Variants in RPH3A observed in about 807,000 individuals in gnomAD.
RPH3A encodes the protein rabphilin-3A.
In RPH3A, 48 loss-of-function variants were observed where a neutral mutation model predicts 102.2. That is an observed-to-expected ratio of 0.47 (90% CI 0.37 to 0.60). The LOEUF is 0.60. RPH3A is among the 20% of genes least tolerant of loss of function. The probability of loss-of-function intolerance (pLI) is 0.00; values close to 1 mark genes in which losing one functional copy is unlikely to be tolerated. For missense variants in RPH3A, 781 were observed against 910.1 expected (o/e 0.86, Z 1.83); for synonymous variants, 310 against 324.3 (o/e 0.96, Z 0.47).
rs746379522 is a variant in RPH3A at position 112,828,308 on chromosome 12, A to G, written c.-11A>G. ...TGGATTGATGTTTTCCAGGAGCACT[A>G]GACATCTACTATGACTGACACCGTG... On this transcript the variant is annotated 5_prime_UTR_variant, in exon 3 of 22. Coordinates refer to ENST00000389385, the MANE Select transcript of RPH3A (RefSeq NM_001143854.2). 3 of 1,609,916 alleles carry G rather than the reference A, an allele frequency of 1.9e-6. No individual in the cohort carries two copies. Among genetic ancestry groups the G allele is most frequent in the East Asian group, 4.5e-5 (2 of 44,686 alleles).
chr12:112,638,953 A>G (rs538851149), intron 1 of RPH3A, among the ~76,000 whole-genome samples: 56 of 152,240 alleles, frequency 3.7e-4, no homozygotes, highest in African/African-American at 1.3e-3. Flanking sequence ...CTTTCTTCCT[A>G]AGCATTAACA....
At chr12:112,745,490 C>G (rs1199481488) in intron 1 of RPH3A, among the ~76,000 whole-genome samples, 1 of 152,170 alleles carries the variant, frequency 6.6e-6, no homozygotes, top group Non-Finnish European at 1.5e-5. Context: ...TAGAGCTTCT[C>G]TTCTTCCCAC....
At chr12:112,678,455 A>G (rs2040203582) in intron 1 of RPH3A, among the ~76,000 whole-genome samples, 1 of 151,986 alleles carries the variant, frequency 6.6e-6, no homozygotes, top group African/African-American at 2.4e-5. Context: ...TCGGCCTTGA[A>G]TATCTAGGGT....
chr12:112,872,705 C>T (rs2042728093), intron 10 of RPH3A, among the ~76,000 whole-genome samples: 1 of 152,098 alleles, frequency 6.6e-6, no homozygotes, highest in Non-Finnish European at 1.5e-5. Context: ...GTCTTTGATT[C>T]ATTTTGAGTT....
chr12:112,720,513 A>G (rs1323830731), intron 1 of RPH3A, among the ~76,000 whole-genome samples: 1 of 152,236 alleles, frequency 6.6e-6, no homozygotes, highest in Non-Finnish European at 1.5e-5. Flanking sequence ...GAGACAGTAA[A>G]TTATGGTGTT....
At chr12:112,667,706 G>T (rs897391666) in intron 1 of RPH3A, among the ~76,000 whole-genome samples, 1 of 139,184 alleles carries the variant, frequency 7.2e-6, no homozygotes, top group South Asian at 2.3e-4. Context: ...GAGAGAGAGA[G>T]AGAGAGAGAG....
At chr12:112,676,773 A>G (rs558314447) in intron 1 of RPH3A, among the ~76,000 whole-genome samples, 2 of 152,326 alleles carry the variant, frequency 1.3e-5, no homozygotes, top group African/African-American at 4.8e-5. Context: ...GACAGCTGGA[A>G]AAATGCCTTG....
At chr12:112,671,248 A>G (rs1307575946) in intron 1 of RPH3A, among the ~76,000 whole-genome samples, 2 of 152,190 alleles carry the variant, frequency 1.3e-5, no homozygotes, top group Non-Finnish European at 2.9e-5. Context: ...GAGATAAAAG[A>G]TTATTTCTTT....
intron 1 of RPH3A, among the ~76,000 whole-genome samples, chr12:112,682,201 A>G (rs1487290250): frequency 2.0e-5 from 3 of 152,220 alleles, no homozygotes; most frequent in Admixed American, 6.5e-5. Flanking sequence ...CTGGAGGCCA[A>G]GAAGTTCCAT....
At chr12:112,625,822 A>G (rs891230953) in intron 1 of RPH3A, among the ~76,000 whole-genome samples, 4 of 123,848 alleles carry the variant, frequency 3.2e-5, no homozygotes, top group Non-Finnish European at 3.3e-5. Context: ...ACAAGGCTAC[A>G]TTAACCAAAA....
At chr12:112,619,246 C>CTGTG (rs60894997) in intron 1 of RPH3A, among the ~76,000 whole-genome samples, 3,356 of 125,372 alleles carry the variant, frequency 0.027, 51 homozygotes, top group Admixed American at 0.038. Flanking sequence ...TATGGTAATT[C>CTGTG]TGTGTGTGTG....
At chr12:112,739,724 ACAGC>A (rs1278237774) in intron 1 of RPH3A, among the ~76,000 whole-genome samples, 1 of 152,190 alleles carries the variant, frequency 6.6e-6, no homozygotes, top group Non-Finnish European at 1.5e-5. Flanking sequence ...CCACATCCCT[ACAGC>A]CCACATCTTC....
chr12:112,614,280 G>A (rs1336052201), intron 1 of RPH3A, among the ~76,000 whole-genome samples: 2 of 152,126 alleles, frequency 1.3e-5, no homozygotes, highest in African/African-American at 4.8e-5. Context: ...TGTCCTTGGG[G>A]TAGTGAATAA....
rs142190508 is a variant in RPH3A, at chr12:112,784,597, G to C, written c.-139-7546G>C. Among the ~76,000 whole-genome samples the C allele has an allele frequency of 1.2e-3, 187 of 152,228 alleles. 9 individuals are homozygous for C. In the South Asian group the frequency reaches 0.038, roughly 31 times the overall value. On this transcript the variant is annotated intron_variant, in intron 1 of 21. Coordinates refer to the RPH3A transcript ENST00000543106. ...AGTTCTAAGAATAATTTATTTATTCGACATTGACCAGGCATCAGATTTGTT... is the reference window on the plus strand; with the variant it reads ...AGTTCTAAGAATAATTTATTTATTCCACATTGACCAGGCATCAGATTTGTT...
chr12:112,877,940 C>G (rs190529507), intron 13 of RPH3A, among the ~76,000 whole-genome samples: 9 of 152,314 alleles, frequency 5.9e-5, no homozygotes, highest in Admixed American at 5.9e-4. Flanking sequence ...GGCATAGTTG[C>G]TTTTATAACT....
chr12:112,854,043 A>C (rs997116454), intron 5 of RPH3A, among the ~76,000 whole-genome samples: 9 of 152,220 alleles, frequency 5.9e-5, no homozygotes, highest in African/African-American at 2.2e-4. Context: ...GATAGTCTTC[A>C]AATCCCTCTA....
In RPH3A at chr12:112,872,916, G is replaced by A. The variant is rs564801254; in HGVS notation, c.797-2168G>A. Among the ~76,000 whole-genome samples, 70 of 152,270 alleles carry A rather than the reference G, an allele frequency of 4.6e-4. No homozygotes were observed. In the Middle Eastern group the frequency reaches 0.01, roughly 22 times the overall value. On this transcript the variant is annotated intron_variant, in intron 10 of 21. Coordinates refer to ENST00000389385, the MANE Select transcript of RPH3A (RefSeq NM_001143854.2). ...GCTGCTACCTTCTCTGAGCTCCCAG[G>A]GTGGTGAGACGCAGCCCTAATGCAG... is the stretch of plus-strand genomic sequence containing the variant.
chr12:112,820,861 A>G (rs930343464), intron 2 of RPH3A, among the ~76,000 whole-genome samples: 1 of 152,076 alleles, frequency 6.6e-6, no homozygotes, highest in Admixed American at 6.6e-5. Context: ...AACCATATGG[A>G]GGGGACAGTG....
intron 10 of RPH3A, among the ~76,000 whole-genome samples, chr12:112,870,702 A>G (rs10850087): frequency 0.5 from 76,501 of 151,948 alleles, 20,273 homozygotes; most frequent in African/African-American, 0.66. Flanking sequence ...TATGTCCCAC[A>G]TACATCTGGC....
Sources: gnomAD v4.1 joint callset for allele counts (sites outside exome capture counted in the v4.1 genomes callset) on GRCh38, gnomAD v4.1.1 for gene constraint, MANE v1.5 for transcripts, NCBI Gene and HGNC (gene_info 2026-07-23, HGNC 2026-07-21) for gene names.